The following NR1H2 variants were observed in gnomAD, a reference collection of about 807,000 sequenced individuals.
NR1H2 encodes nuclear receptor subfamily 1 group H member 2, also known as oxysterols receptor LXR-beta.
Under a neutral mutation model 51.2 loss-of-function variants are expected in NR1H2, and 33 were observed. That is an observed-to-expected ratio of 0.64 (90% confidence interval 0.49 to 0.86). NR1H2 has a LOEUF of 0.86. Among genes scored for constraint, NR1H2 ranks in the 40% least tolerant of loss-of-function variants. The pLI is 0.00. For synonymous variants in NR1H2, 310 were observed against 264.3 expected (o/e 1.17, Z -1.68); for missense variants, 592 against 639.9 (o/e 0.93, Z 0.81).
chr19:50,380,951 TCCTCCGCTCAGAAC>T (rs2037755956), intron 8 of NR1H2, among the ~76,000 whole-genome samples: 1 of 151,986 alleles, frequency 6.6e-6, no homozygotes, highest in Non-Finnish European at 1.5e-5. Flanking sequence ...CCCACTTCCC[TCCTCCGCTCAGAAC>T]CCTCCGCGGC....
At chr19:50,380,620 C>G (rs768366470) in intron 8 of NR1H2, among the ~76,000 whole-genome samples, 1 of 152,172 alleles carries the variant, frequency 6.6e-6, no homozygotes, top group Non-Finnish European at 1.5e-5. Flanking sequence ...CCGAGACGGT[C>G]CCAGTAACCC....
chr19:50,380,118 C>T (rs1880917), intron 8 of NR1H2, among the ~76,000 whole-genome samples: 3,542 of 152,234 alleles, frequency 0.023, 143 homozygotes, highest in African/African-American at 0.08. Context: ...CGTGATTGTG[C>T]GACGGCATTC....
chr19:50,380,025 C>A (rs2037740578), intron 8 of NR1H2, 146 bp downstream of exon 8: 4 of 660,424 alleles, frequency 6.1e-6, no homozygotes, highest in Non-Finnish European at 1.1e-5. Context: ...GGTAAGAGTG[C>A]ATGTGCCACG....
intron 4 of NR1H2, 125 bp from the exon 5 acceptor site, chr19:50,378,024 T>C (rs1473637625): frequency 1.2e-5 from 17 of 1,410,774 alleles, no homozygotes; most frequent in Non-Finnish European, 1.6e-5. Context: ...TTTCCCTGAA[T>C]GTGAGCAGCA....
intron 7 of NR1H2, 24 bp from the exon 8 acceptor site, chr19:50,379,756 T>A: frequency 6.6e-7 from 1 of 1,521,396 alleles, no homozygotes. Flanking sequence ...GGGCTCAAGC[T>A]CCCCCTCCCG....
rs146485559 is a variant in NR1H2, at chr19:50,379,658, CA to C, written c.928-121del. On this transcript the variant is annotated intron_variant, in intron 7 of 9. Coordinates refer to ENST00000253727, the MANE Select transcript of NR1H2 (RefSeq NM_007121.7). The stretch of plus-strand genomic sequence containing the variant: ...CTGCACGCTGGTGTGGCTGAGAGAA[CA>C]GGGGGGAAGGGGACAAGGGATAATC... 4,158 of 688,712 alleles carry C rather than the reference CA, an allele frequency of 6.0e-3. 91 individuals are homozygous for C. The highest frequency in any genetic ancestry group is 0.056 in the African/African-American group (3,219 of 57,254). 42.7% of individuals were successfully genotyped at this position (688,712 alleles called of 1,614,324 possible). A position where few individuals can be genotyped will look rare whatever the true frequency, so the allele number is the denominator to read the frequency against.
chr19:50,378,296 T>G lies in NR1H2; in HGVS notation c.329T>G (p.Phe110Cys). 1.2e-6 allele frequency: 2 copies of G among 1,613,410 alleles called. No individual in the cohort carries two copies. Among genetic ancestry groups the G allele is most frequent in the Non-Finnish European group, 8.5e-7 (1 of 1,180,030 alleles). ...NVLSCEGCKGFFRRSVVRGGA... is the reference protein window; with the variant it reads ...NVLSCEGCKGCFRRSVVRGGA... ...CTCAGCTGCGAAGGCTGCAAGGGCT[T>G]CTTCCGGCGCAGTGTGGTCCGTGGT... Residue 110 changes from phenylalanine (F) to cysteine (C), a missense_variant, in exon 5 of 10, where the codon TTC becomes TGC. This residue lies in a region of NR1H2 where 316 missense variants were observed against 313.4 expected (regional missense o/e 1.01). Coordinates refer to ENST00000253727, the MANE Select transcript of NR1H2 (RefSeq NM_007121.7).
chr19:50,378,111 C>A, intron 4 of NR1H2, 38 bp from the exon 5 acceptor site: 1 of 1,576,780 alleles, frequency 6.3e-7, no homozygotes, highest in South Asian at 1.1e-5. Context: ...CCTGTTTCTC[C>A]TTGTGGCTTT....
rs1487006199 is a variant in NR1H2 at position 50,379,092 on chromosome 19, G to A, written c.838G>A (p.Glu280Lys). Reference protein sequence around the residue: ...FTELAIISVQEIVDFAKQVPG... With the variant: ...FTELAIISVQKIVDFAKQVPG... Reference sequence around the variant, plus strand: ...GGAGCTGGCCATCATCTCAGTCCAGGAGATCGTGGACTTCGCTAAGCAAGT... The same window carrying A: ...GGAGCTGGCCATCATCTCAGTCCAGAAGATCGTGGACTTCGCTAAGCAAGT... The change falls in exon 7 of 10, where the codon GAG becomes AAG. Residue 280 changes from glutamate to lysine, a missense_variant. By Grantham distance (56) the Glu-to-Lys change is moderately conservative. This residue lies in a region of NR1H2 where 102 missense variants were observed against 152.4 expected (regional missense o/e 0.67). Coordinates refer to ENST00000253727, the MANE Select transcript of NR1H2 (RefSeq NM_007121.7). 6.2e-7 allele frequency: 1 copy of A among 1,614,062 alleles called. No homozygotes were observed. Among genetic ancestry groups the A allele is most frequent in the Non-Finnish European group, 8.5e-7 (1 of 1,180,020 alleles).
chr19:50,382,159 C>T lies in NR1H2; in HGVS notation c.1221C>T (p.Arg407=). Residue 407 remains arginine, a synonymous_variant, in exon 9 of 10, where the codon CGC becomes CGT. Coordinates refer to ENST00000253727, the MANE Select transcript of NR1H2 (RefSeq NM_007121.7). ...PYVEALLSYT[R]IKRPQDQLRF... ...TGGAGGCGCTGCTGTCCTACACGCG[C>T]ATCAAGAGGCCGCAGGTAGGGCCCC... The T allele has an allele frequency of 6.5e-7, 1 of 1,532,662 alleles. No homozygotes were observed. Among genetic ancestry groups the T allele is most frequent in the Non-Finnish European group, 8.7e-7 (1 of 1,143,126 alleles). 94.9% of individuals were successfully genotyped at this position (1,532,662 alleles called of 1,614,324 possible).
Position 50,378,634 on chromosome 19 carries a change from T to C in NR1H2, c.585T>C (p.Ser195=). The C allele has an allele frequency of 6.2e-7, 1 of 1,614,062 alleles. No homozygotes were observed. The highest frequency in any genetic ancestry group is 1.7e-5 in the Admixed American group (1 of 60,024). The change falls in exon 6 of 10, where the codon TCT becomes TCC. Residue 195 remains serine, a synonymous_variant. Coordinates refer to ENST00000253727, the MANE Select transcript of NR1H2 (RefSeq NM_007121.7). ...VGPQGSSSSA[S]GPGASPGGSE... ...CGCAGGGCAGCAGCAGCTCAGCCTCTGGGCCTGGGGCTTCCCCTGGTGGAT... is the reference window on the plus strand; with the variant it reads ...CGCAGGGCAGCAGCAGCTCAGCCTCCGGGCCTGGGGCTTCCCCTGGTGGAT...
At chr19:50,381,336 G>A (rs931748079) in intron 8 of NR1H2, among the ~76,000 whole-genome samples, 2 of 152,188 alleles carry the variant, frequency 1.3e-5, no homozygotes, top group Non-Finnish European at 2.9e-5. Context: ...CACCCAGAGC[G>A]CAGCCTTCCC....
At chr19:50,377,676 C>T (rs565500202) in intron 3 of NR1H2, 28 bp downstream of exon 3, 1 of 1,608,774 alleles carries the variant, frequency 6.2e-7, no homozygotes, top group African/African-American at 1.3e-5. Context: ...CCACCCAGCC[C>T]TTATCACACA....
intron 7 of NR1H2, 45 bp from the exon 8 acceptor site, chr19:50,379,735 G>A (rs2123651475): frequency 7.9e-7 from 1 of 1,262,502 alleles, no homozygotes; most frequent in East Asian, 2.3e-5. Context: ...ACTAGCAGCT[G>A]AAGGGTCACA....
rs910078107 is a variant in NR1H2 at position 50,378,053 on chromosome 19, C to T, written c.182-96C>T. On this transcript the variant is annotated intron_variant, in intron 4 of 9. Coordinates refer to ENST00000253727, the MANE Select transcript of NR1H2 (RefSeq NM_007121.7). ...AGCAGCAACTCCTCTCTCCCTCCAT[C>T]CTCTGGCTCTTTGCCTGGGGATCTC... 6 of 1,444,048 alleles carry T rather than the reference C, an allele frequency of 4.2e-6. No homozygotes were observed. The Admixed American group carries it at 6.6e-5, about 16-fold the overall frequency. The allele number at this position is 1,444,048 out of a possible 1,614,324, so 89.5% of individuals were successfully genotyped here.
intron 8 of NR1H2, 109 bp downstream of exon 8, chr19:50,379,988 G>C (rs1037653188): frequency 1.3e-6 from 1 of 776,022 alleles, no homozygotes; most frequent in African/African-American, 1.7e-5. Flanking sequence ...CAAAGTTGGG[G>C]TGAGGGTTGA....
At position 50,383,272 on chromosome 19, in the gene NR1H2, G is replaced by A. The variant is rs2037819587; in HGVS notation, c.*670G>A. ...ATAAACAGGATTTAAGTGAATGAGG[G>A]GACCTGGACTTCTGTCCGAACAACA... On this transcript the variant is annotated 3_prime_UTR_variant, in exon 10 of 10. Transcript: ENST00000253727. 6.6e-6 allele frequency among the ~76,000 whole-genome samples: 1 copy of A among 152,236 alleles called. No individual in the cohort carries two copies. Among genetic ancestry groups the A allele is most frequent in the Non-Finnish European group, 1.5e-5 (1 of 68,036 alleles).
Position 50,377,775 on chromosome 19 carries a change from C to G in NR1H2, c.86C>G (p.Thr29Ser). ...PQPGAPSSSPTVKEEGPEPWP... is the reference protein window; with the variant it reads ...PQPGAPSSSPSVKEEGPEPWP... ...CCTGGCGCCCCTTCTTCTTCACCCACTGTAAAGGAGGAGGGTCCGGAGCCG... is the reference window on the plus strand; with the variant it reads ...CCTGGCGCCCCTTCTTCTTCACCCAGTGTAAAGGAGGAGGGTCCGGAGCCG... The change falls in exon 4 of 10, where the codon ACT (threonine) becomes AGT (serine). Residue 29 changes from threonine to serine, a missense_variant. Coordinates refer to ENST00000253727, the MANE Select transcript of NR1H2 (RefSeq NM_007121.7). 1 of 1,610,876 alleles carries G rather than the reference C, an allele frequency of 6.2e-7. No homozygotes were observed. The highest frequency in any genetic ancestry group is 8.5e-7 in the Non-Finnish European group (1 of 1,178,522).
Position 50,378,360 on chromosome 19 carries a change from C to T in NR1H2, c.393C>T (p.Cys131=). The change falls in exon 5 of 10, where the codon TGC becomes TGT. Residue 131 remains cysteine, a synonymous_variant. Transcript: ENST00000253727. ...RRYACRGGGT[C]QMDAFMRRKC... ...ATGCCTGCCGGGGTGGCGGAACCTG[C>T]CAGATGGACGCTTTCATGCGGCGCA... is the stretch of plus-strand genomic sequence containing the variant. 1 of 1,611,582 alleles carries T rather than the reference C, an allele frequency of 6.2e-7. No individual in the cohort carries two copies. The highest frequency in any genetic ancestry group is 8.5e-7 in the Non-Finnish European group (1 of 1,178,782).
Sources: allele counts gnomAD v4.1 joint callset (sites outside exome capture counted in the v4.1 genomes callset), GRCh38; gene constraint gnomAD v4.1.1; regional missense constraint gnomAD v4.1.1; transcripts MANE v1.5; gene names NCBI Gene and HGNC (gene_info 2026-07-23, HGNC 2026-07-21).